The following RUNX1 variants were observed in gnomAD, a reference collection of about 807,000 sequenced individuals.
RUNX1 encodes the protein runt-related transcription factor 1.
Under a neutral mutation model 42.8 loss-of-function variants are expected in RUNX1, and 19 were observed. The ratio of observed to expected loss-of-function variants is 0.44; its 90% CI spans 0.31 to 0.65. The LOEUF is 0.65. Among genes scored for constraint, RUNX1 ranks in the 30% least tolerant of loss-of-function variants. RUNX1 has a pLI of 0.07. For synonymous variants in RUNX1, 271 were observed against 289.4 expected, an observed-to-expected ratio of 0.94 and a Z score of 0.64; for missense variants, 528 against 672.0, an observed-to-expected ratio of 0.79 and a Z score of 2.37.
At chr21:34,996,581 G>A (rs910224420) in intron 2 of RUNX1, among the ~76,000 whole-genome samples, 2 of 151,920 alleles carry the variant, frequency 1.3e-5, no homozygotes, top group East Asian at 1.9e-4. Context: ...CAGAGTTCCT[G>A]GAACAGTGTC....
intron 2 of RUNX1, among the ~76,000 whole-genome samples, chr21:34,994,059 C>A (rs531502358): frequency 1.3e-5 from 2 of 152,114 alleles, no homozygotes; most frequent in Admixed American, 1.3e-4. Flanking sequence ...TCAAAAGCCC[C>A]GTTAGCAACA....
At chr21:34,889,477 CA>C (rs1193013856) in intron 3 of RUNX1, among the ~76,000 whole-genome samples, 1 of 152,160 alleles carries the variant, frequency 6.6e-6, no homozygotes, top group Non-Finnish European at 1.5e-5. Context: ...GTTTCCTAGT[CA>C]GGAAAGACCC....
intron 2 of RUNX1, among the ~76,000 whole-genome samples, chr21:35,018,658 C>A (rs549545673): frequency 6.6e-6 from 1 of 152,162 alleles, no homozygotes. Flanking sequence ...TCTGGACATA[C>A]GCAGCCCCTC....
At chr21:34,951,728 C>G (rs1428959190) in intron 2 of RUNX1, among the ~76,000 whole-genome samples, 3 of 152,158 alleles carry the variant, frequency 2.0e-5, no homozygotes, top group African/African-American at 7.2e-5. Context: ...CAGGAAACAA[C>G]AGATGCTGGA....
intron 6 of RUNX1, among the ~76,000 whole-genome samples, chr21:34,858,581 T>C (rs1009496313): frequency 3.9e-5 from 6 of 152,198 alleles, no homozygotes; most frequent in Non-Finnish European, 8.8e-5. Flanking sequence ...CTGACCTCCC[T>C]GCATCTTGGC....
intron 2 of RUNX1, among the ~76,000 whole-genome samples, chr21:35,007,435 C>T (rs2059093427): frequency 6.6e-6 from 1 of 152,162 alleles, no homozygotes. Flanking sequence ...CCGGTTGGGT[C>T]TCCATCCCTG....
chr21:34,817,724 C>G (rs539194513), intron 7 of RUNX1, among the ~76,000 whole-genome samples: 100 of 152,290 alleles, frequency 6.6e-4, no homozygotes, highest in African/African-American at 1.9e-3. Context: ...CTCTGGGAAG[C>G]TCTTTTCCTG....
intron 7 of RUNX1, among the ~76,000 whole-genome samples, chr21:34,808,969 G>A (rs577287673): frequency 3.0e-4 from 45 of 152,224 alleles, no homozygotes; most frequent in African/African-American, 1.1e-3. Flanking sequence ...TAGTTCAGAG[G>A]GAACAGAAGG....
chr21:34,942,221 A>G (rs2058532762), intron 2 of RUNX1, among the ~76,000 whole-genome samples: 2 of 152,058 alleles, frequency 1.3e-5, no homozygotes, highest in South Asian at 4.1e-4. Flanking sequence ...TGTTGGTTCA[A>G]TTATTAGGCT....
At chr21:34,938,174 C>T (rs2058500525) in intron 2 of RUNX1, among the ~76,000 whole-genome samples, 1 of 152,156 alleles carries the variant, frequency 6.6e-6, no homozygotes, top group Non-Finnish European at 1.5e-5. Flanking sequence ...TATTAAATGC[C>T]TATATGTATT....
intron 2 of RUNX1, among the ~76,000 whole-genome samples, chr21:34,896,660 G>A (rs1390527102): frequency 6.6e-6 from 1 of 151,448 alleles, no homozygotes; most frequent in East Asian, 1.9e-4. Flanking sequence ...TCCAGCCTAG[G>A]AGACAGGATG....
intron 2 of RUNX1, among the ~76,000 whole-genome samples, chr21:34,986,429 G>A (rs896132706): frequency 6.6e-6 from 1 of 151,532 alleles, no homozygotes; most frequent in Non-Finnish European, 1.5e-5. Context: ...GGGAGCAGGA[G>A]ATATGTGGCA....
chr21:34,865,279 CGTGTGT>C (rs61238560), intron 5 of RUNX1, among the ~76,000 whole-genome samples: 17,266 of 132,258 alleles, frequency 0.13, 1,144 homozygotes, highest in Non-Finnish European at 0.16. Context: ...GGGTTTTGTG[CGTGTGT>C]GTGTGTGTGT....
At chr21:34,926,800 A>AAAT (rs2058398743) in intron 2 of RUNX1, among the ~76,000 whole-genome samples, 1 of 152,094 alleles carries the variant, frequency 6.6e-6, no homozygotes, top group Admixed American at 6.6e-5. Flanking sequence ...GAAAGCATTT[A>AAAT]GCTTTCACCA....
intron 2 of RUNX1, among the ~76,000 whole-genome samples, chr21:35,048,541 T>C (rs2059416939): frequency 6.6e-6 from 1 of 152,210 alleles, no homozygotes; most frequent in Non-Finnish European, 1.5e-5. Flanking sequence ...AGCTTCATAA[T>C]CTCTAAGCCT....
Position 34,834,532 on chromosome 21 carries a change from A to G in RUNX1, c.683T>C (p.Leu228Pro), listed in dbSNP as rs751447523. ...SLSFSERLSE[L>P]EQLRRTAMRV... ...CATGGCTGTGCGCCGCAGCTGCTCC[A>G]GTTCACTGAGCCGCTCGGAAAAGGA... Residue 228 changes from leucine to proline, a missense_variant, in exon 7 of 9, where the codon CTG becomes CCG. Around this residue, in one of 3 missense-constraint regions of RUNX1, gnomAD observed 331 missense variants for 382.5 expected, o/e 0.87. Coordinates refer to ENST00000675419, the MANE Select transcript of RUNX1 (RefSeq NM_001754.5). 7.0e-6 allele frequency: 11 copies of G among 1,574,694 alleles called. No individual in the cohort carries two copies. In the South Asian group the frequency reaches 1.2e-4, roughly 17 times the overall value.
intron 2 of RUNX1, among the ~76,000 whole-genome samples, chr21:34,968,959 G>T (rs2058740748): frequency 6.6e-6 from 1 of 152,148 alleles, no homozygotes; most frequent in Non-Finnish European, 1.5e-5. Context: ...TTGGAGTGAT[G>T]AAATCAAGAA....
intron 6 of RUNX1, among the ~76,000 whole-genome samples, chr21:34,841,432 G>A (rs2057233063): frequency 6.6e-6 from 1 of 152,122 alleles, no homozygotes; most frequent in African/African-American, 2.4e-5. Flanking sequence ...GCACTCACTG[G>A]GTCCACCTGT....
intron 2 of RUNX1, among the ~76,000 whole-genome samples, chr21:35,040,229 A>G (rs969958592): frequency 6.6e-6 from 1 of 152,220 alleles, no homozygotes; most frequent in East Asian, 1.9e-4. Context: ...CACAGAGTTC[A>G]AAGTGCAAAC....
Sources: allele counts gnomAD v4.1 joint callset (sites outside exome capture counted in the v4.1 genomes callset), GRCh38; gene constraint gnomAD v4.1.1; regional missense constraint gnomAD v4.1.1; transcripts MANE v1.5; gene names NCBI Gene and HGNC (gene_info 2026-07-23, HGNC 2026-07-21).